NKAIN3: variants seen among roughly 807,000 people sequenced by gnomAD.
NKAIN3 encodes sodium/potassium-transporting ATPase subunit beta-1-interacting protein 3.
A neutral mutation model predicts 30.2 loss-of-function variants in NKAIN3; 25 were observed. The observed-to-expected ratio is 0.83, with a 90% CI of 0.60 to 1.16. The LOEUF (loss-of-function observed/expected upper bound fraction) is 1.16, where lower values mean the gene tolerates loss of function less well. Among genes scored for constraint, NKAIN3 ranks in the 50% most tolerant of loss-of-function variants. The pLI is 0.00. For missense variants in NKAIN3, 225 were observed against 254.1 expected, an observed-to-expected ratio of 0.89 and a Z score of 0.78; for synonymous variants, 91 against 89.6, an observed-to-expected ratio of 1.02 and a Z score of -0.09.
chr8:62,666,264 T>G (rs531054946), intron 3 of NKAIN3, among the ~76,000 whole-genome samples: 1 of 152,310 alleles, frequency 6.6e-6, no homozygotes, highest in East Asian at 1.9e-4. Context: ...CTCCTGTGCT[T>G]GTATAAGTTC....
At chr8:62,735,222 C>G (rs1360562552) in intron 3 of NKAIN3, among the ~76,000 whole-genome samples, 1 of 152,160 alleles carries the variant, frequency 6.6e-6, no homozygotes, top group Non-Finnish European at 1.5e-5. Context: ...TTCTCTTCTT[C>G]CTCAGAAATA....
intron 3 of NKAIN3, among the ~76,000 whole-genome samples, chr8:62,741,084 A>G (rs915428531): frequency 6.6e-6 from 1 of 151,114 alleles, no homozygotes; most frequent in African/African-American, 2.4e-5. Context: ...CTTGTAATCC[A>G]GTTTTTTACT....
At chr8:62,594,011 A>G (rs943551411) in intron 3 of NKAIN3, among the ~76,000 whole-genome samples, 10 of 151,956 alleles carry the variant, frequency 6.6e-5, no homozygotes, top group Admixed American at 2.0e-4. Context: ...TGTTAAGACT[A>G]CTATTACCTT....
chr8:62,612,758 A>G (rs1430835098), intron 3 of NKAIN3, among the ~76,000 whole-genome samples: 1 of 151,326 alleles, frequency 6.6e-6, no homozygotes, highest in Non-Finnish European at 1.5e-5. Context: ...TTTTCGTTTT[A>G]GTTTTTGTGT....
chr8:62,813,040 T>G (rs534473287), intron 4 of NKAIN3, among the ~76,000 whole-genome samples: 1 of 152,040 alleles, frequency 6.6e-6, no homozygotes, highest in East Asian at 1.9e-4. Context: ...ATTGAAGGCC[T>G]AAGGCCTCAT....
At chr8:62,585,336 A>G (rs950172992) in intron 2 of NKAIN3, among the ~76,000 whole-genome samples, 1 of 152,176 alleles carries the variant, frequency 6.6e-6, no homozygotes, top group African/African-American at 2.4e-5. Flanking sequence ...GTACCATCAC[A>G]CTATTAAGGT....
At chr8:62,917,833 G>A (rs1225788865) in intron 4 of NKAIN3, among the ~76,000 whole-genome samples, 1 of 152,146 alleles carries the variant, frequency 6.6e-6, no homozygotes, top group African/African-American at 2.4e-5. Context: ...AAATGCAGAG[G>A]TTAAATTCTA....
At chr8:62,811,934 C>T (rs1450495620) in intron 4 of NKAIN3, among the ~76,000 whole-genome samples, 1 of 151,344 alleles carries the variant, frequency 6.6e-6, no homozygotes, top group Non-Finnish European at 1.5e-5. Flanking sequence ...ACACCAAATA[C>T]TTTCTCCTGT....
intron 1 of NKAIN3, among the ~76,000 whole-genome samples, chr8:62,328,279 C>A (rs919659540): frequency 2.0e-5 from 3 of 152,056 alleles, no homozygotes; most frequent in African/African-American, 7.2e-5. Context: ...ATTTACAAGT[C>A]CAATGAAAGG....
intron 1 of NKAIN3, among the ~76,000 whole-genome samples, chr8:62,281,087 C>G (rs1479656959): frequency 1.3e-5 from 2 of 152,122 alleles, no homozygotes; most frequent in African/African-American, 4.8e-5. Flanking sequence ...TCAACTTCTT[C>G]CTGGTTTAGT....
intron 1 of NKAIN3, among the ~76,000 whole-genome samples, chr8:62,439,025 A>C (rs1452825921): frequency 6.6e-6 from 1 of 152,214 alleles, no homozygotes; most frequent in Non-Finnish European, 1.5e-5. Context: ...ACACAACTTT[A>C]GACTGGAGAG....
chr8:62,354,512 C>T (rs887130233), intron 1 of NKAIN3, among the ~76,000 whole-genome samples: 11 of 152,070 alleles, frequency 7.2e-5, no homozygotes, highest in Non-Finnish European at 1.0e-4. Context: ...GGCGCGATCT[C>T]GGCTCACTGC....
At chr8:62,457,972 C>T (rs1805869424) in intron 1 of NKAIN3, among the ~76,000 whole-genome samples, 1 of 152,152 alleles carries the variant, frequency 6.6e-6, no homozygotes, top group African/African-American at 2.4e-5. Context: ...TACTGATTTT[C>T]TGTCTCTTTT....
chr8:62,735,681 C>T lies in NKAIN3; in HGVS notation c.274-11251C>T, dbSNP rs1201447043. On this transcript the variant is annotated intron_variant, in intron 3 of 6. Coordinates refer to ENST00000623646, the MANE Select transcript of NKAIN3 (RefSeq NM_001304533.3). Reference sequence around the variant, plus strand: ...TCTTCTTGGATCCATTGCTGGTGAACGAGTGCGATCTTTTGGGAGTGTTAA... The same window carrying T: ...TCTTCTTGGATCCATTGCTGGTGAATGAGTGCGATCTTTTGGGAGTGTTAA... Among the ~76,000 whole-genome samples the T allele has an allele frequency of 3.3e-5, 5 of 152,114 alleles. No homozygotes were observed. The South Asian group carries it at 6.2e-4, about 19-fold the overall frequency.
At chr8:62,863,958 TGGTGGA>T (rs1188299398) in intron 4 of NKAIN3, 1 of 860,206 alleles carries the variant, frequency 1.2e-6, no homozygotes, top group East Asian at 2.4e-5. Flanking sequence ...GCGGTGGTGG[TGGTGGA>T]GGTGGAGGAG....
At chr8:62,828,007 C>T (rs1278613247) in intron 4 of NKAIN3, among the ~76,000 whole-genome samples, 2 of 151,942 alleles carry the variant, frequency 1.3e-5, no homozygotes, top group East Asian at 1.9e-4. Context: ...GAGCTAGAAA[C>T]CATCTAGATG....
intron 1 of NKAIN3, chr8:62,383,492 A>G (rs1817336088): frequency 2.2e-6 from 1 of 455,322 alleles, no homozygotes; most frequent in Non-Finnish European, 4.4e-6. Context: ...TTTTGTCTGC[A>G]TTAAAAACCT....
rs775057677 is a variant in NKAIN3 at position 62,746,991 on chromosome 8, G to A, written c.333G>A (p.Gly111=). The A allele has an allele frequency of 1.7e-5, 28 of 1,613,754 alleles. No individual in the cohort carries two copies. In the East Asian group the frequency reaches 5.8e-4, roughly 33 times the overall value. The change falls in exon 4 of 7, where the codon GGG becomes GGA. Residue 111 remains glycine (G), a synonymous_variant. Transcript: ENST00000623646. ...ATCGGTCATGGTGGAGAGAACATGG[G>A]CCTGGTTGTGTCAGAAGAGTGCTGC... ...SVHRSWWREH[G]PGCVRRVLPP... is the part of the protein sequence containing the mutation.
At chr8:62,250,623 A>G (rs916465838) in intron 1 of NKAIN3, among the ~76,000 whole-genome samples, 1 of 152,226 alleles carries the variant, frequency 6.6e-6, no homozygotes, top group African/African-American at 2.4e-5. Context: ...ATAATCTATA[A>G]TGCCTAATTT....
Sources: allele counts gnomAD v4.1 joint callset (sites outside exome capture counted in the v4.1 genomes callset), GRCh38; gene constraint gnomAD v4.1.1; transcripts MANE v1.5; gene names NCBI Gene and HGNC (gene_info 2026-07-23, HGNC 2026-07-21).